WDR62: variants seen among roughly 807,000 people sequenced by gnomAD.
WDR62 encodes WD repeat domain 62.
Under a neutral mutation model 160.6 loss-of-function variants are expected in WDR62, and 112 were observed. The ratio of observed to expected loss-of-function variants is 0.70; its 90% CI spans 0.60 to 0.82. The LOEUF is 0.82. Among genes scored for constraint, WDR62 ranks in the 40% least tolerant of loss-of-function variants. The pLI is 0.00. For missense variants in WDR62, 1,819 were observed against 1,983.8 expected (o/e 0.92, Z 1.58); for synonymous variants, 792 against 815.1 (o/e 0.97, Z 0.48).
chr19:36,089,415 G>C, intron 15 of WDR62, 109 bp downstream of exon 15: 1 of 1,559,580 alleles, frequency 6.4e-7, no homozygotes, highest in Non-Finnish European at 8.8e-7. Context: ...GGAATTGAGG[G>C]ACCCAGCAGG....
At chr19:36,096,827 T>G (rs948133750) in intron 20 of WDR62, among the ~76,000 whole-genome samples, 200 bp from the exon 21 acceptor site, 38 of 152,222 alleles carry the variant, frequency 2.5e-4, no homozygotes, top group African/African-American at 9.2e-4. Context: ...TTTGGTAGTA[T>G]TAAGCTTTTT....
At position 36,103,886 on chromosome 19, in the gene WDR62, C is replaced by T. The variant is rs753208163; in HGVS notation, c.4058C>T (p.Ser1353Phe). Residue 1353 changes from serine to phenylalanine, a missense_variant, in exon 30 of 32, where the codon TCC becomes TTC. Ser to Phe is a radical substitution (Grantham distance 155, BLOSUM62 -2). This residue lies in a region of WDR62 where 770 missense variants were observed against 734.2 expected (regional missense o/e 1.05). Transcript: ENST00000401500. ...CGCCCAAGTCTCCCAGCTCCTGAGTCCCCTGGCCTTCCTGCCCACCCCAGT... is the reference window on the plus strand; with the variant it reads ...CGCCCAAGTCTCCCAGCTCCTGAGTTCCCTGGCCTTCCTGCCCACCCCAGT... ...AFRPSLPAPE[S>F]PGLPAHPSNP... The T allele has an allele frequency of 5.6e-6, 9 of 1,600,464 alleles. No individual in the cohort carries two copies. The Admixed American group carries it at 1.5e-4, about 27-fold the overall frequency.
At chr19:36,056,157 C>T (rs1970356523) in intron 1 of WDR62, among the ~76,000 whole-genome samples, 1 of 152,122 alleles carries the variant, frequency 6.6e-6, no homozygotes, top group Non-Finnish European at 1.5e-5. Flanking sequence ...CAGAGTGAGA[C>T]TCTGTCTCAA....
In WDR62 at chr19:36,103,163, C is replaced by A. The variant is rs1235964917; in HGVS notation, c.3470C>A (p.Ala1157Asp). ...TCAGAGCTGTGCCTGCAGGTCCTCG[C>A]TGCAGGGAAGGCTGAAGAGACCCTG... ...YASPDRTHVLAAGKAEETLEA... is the reference protein window; with the variant it reads ...YASPDRTHVLDAGKAEETLEA... The change falls in exon 29 of 32, where the codon GCT becomes GAT. Residue 1157 changes from alanine to aspartate, a missense_variant. This residue lies in a region of WDR62 where 770 missense variants were observed against 734.2 expected (regional missense o/e 1.05). Transcript: ENST00000401500. The A allele has an allele frequency of 6.2e-7, 1 of 1,614,056 alleles. No homozygotes were observed. Among genetic ancestry groups the A allele is most frequent in the African/African-American group, 1.3e-5 (1 of 75,050 alleles).
At chr19:36,100,907 T>C in intron 23 of WDR62, 32 bp downstream of exon 23, 1 of 1,613,804 alleles carries the variant, frequency 6.2e-7, no homozygotes, top group Non-Finnish European at 8.5e-7. Flanking sequence ...GGAGCCTTAG[T>C]TGGAGGAACC....
chr19:36,097,113 G>A (rs199899192), intron 21 of WDR62, 34 bp downstream of exon 21: 82 of 1,611,218 alleles, frequency 5.1e-5, no homozygotes, highest in Non-Finnish European at 8.5e-6. Flanking sequence ...CTCAGGGGCT[G>A]GCAGAGGAAA....
chr19:36,061,821 G>A (rs2145545101), intron 3 of WDR62: 1 of 152,338 alleles, frequency 6.6e-6, no homozygotes, highest in South Asian at 2.1e-4. Context: ...GTTGATCTGG[G>A]ATGAAACTTG....
At chr19:36,110,220 C>T in the WDR62 span, among the ~76,000 whole-genome samples, 4 of 152,060 alleles carry the variant, frequency 2.6e-5, no homozygotes, top group Non-Finnish European at 4.4e-5. Context: ...CCTGTAATCC[C>T]AGCACTTTGG....
At chr19:36,056,653 C>T (rs1472864288) in intron 1 of WDR62, among the ~76,000 whole-genome samples, 1 of 152,160 alleles carries the variant, frequency 6.6e-6, no homozygotes, top group African/African-American at 2.4e-5. Context: ...GCCCTTTGAG[C>T]TATTAAACTA....
chr19:36,063,546 C>CTCAGA (rs1970780306), intron 3 of WDR62, among the ~76,000 whole-genome samples: 1 of 152,016 alleles, frequency 6.6e-6, no homozygotes, highest in African/African-American at 2.4e-5. Context: ...CCACTGCACC[C>CTCAGA]GGCCAATCTT....
At chr19:36,104,464 G>A (rs1040870872) in intron 30 of WDR62, 54 bp from the exon 31 acceptor site, 55 of 1,603,984 alleles carry the variant, frequency 3.4e-5, no homozygotes, top group African/African-American at 1.3e-4. Context: ...CGCTCTGGCC[G>A]CTCACACCAA....
intron 3 of WDR62, chr19:36,061,519 CT>C (rs1970644675): frequency 6.6e-6 from 1 of 152,236 alleles, no homozygotes; most frequent in Non-Finnish European, 1.5e-5. Context: ...TCTCTGGCCT[CT>C]GGGGCCCAAA....
chr19:36,064,153 T>G (rs554900569), intron 3 of WDR62, among the ~76,000 whole-genome samples: 1 of 152,222 alleles, frequency 6.6e-6, no homozygotes, highest in East Asian at 1.9e-4. Context: ...AGGTTAGAGG[T>G]GGCTACGGGC....
At chr19:36,079,974 GTATTT>G (rs1971795293) in intron 9 of WDR62, among the ~76,000 whole-genome samples, 1 of 152,024 alleles carries the variant, frequency 6.6e-6, no homozygotes, top group African/African-American at 2.4e-5. Flanking sequence ...TCAATCTTCC[GTATTT>G]TGAAATCTCT....
At chr19:36,086,608 G>A (rs58358317) in intron 12 of WDR62, 79 bp from the exon 13 acceptor site, 19,179 of 1,528,580 alleles carry the variant, frequency 0.013, 1,108 homozygotes, top group South Asian at 0.12. Flanking sequence ...GGACTGGGCA[G>A]CTTGGTCACA....
intron 21 of WDR62, 54 bp from the exon 22 acceptor site, chr19:36,099,345 C>G: frequency 1.3e-6 from 2 of 1,507,834 alleles, no homozygotes; most frequent in Non-Finnish European, 1.8e-6. Flanking sequence ...CCGTGTCGCT[C>G]CCTGCAGTGA....
rs1973517064 is a variant in WDR62, at chr19:36,103,452, T to C, written c.3624T>C (p.Gly1208=). The change falls in exon 30 of 32, where the codon GGT becomes GGC. Residue 1208 remains glycine (G), a synonymous_variant. Transcript: ENST00000401500. ...TSAPTPGLAQ[G]VHAPSTCSYM... ...CACCCACCCCAGGCCTGGCTCAGGG[T>C]GTCCATGCCCCCTCCACCTGTTCCT... 1.9e-6 allele frequency: 3 copies of C among 1,613,648 alleles called. No homozygotes were observed. The South Asian group carries it at 3.3e-5, about 18-fold the overall frequency.
Position 36,104,594 on chromosome 19 carries a change from T to TC in WDR62, c.4234dup (p.Leu1412ProfsTer2), listed in dbSNP as rs1599851667. ...TGCCGGTTGAAGCCCTGCCCCCATCTCCCCTTGAGCTGAGCAGGGTGGGGA... is the reference window on the plus strand; with the variant it reads ...TGCCGGTTGAAGCCCTGCCCCCATCTCCCCCTTGAGCTGAGCAGGGTGGGGA... On this transcript the variant is annotated frameshift_variant, in exon 31 of 32. Transcript: ENST00000401500. LOFTEE classifies it high-confidence loss of function. 1 of 1,613,278 alleles carries TC rather than the reference T, an allele frequency of 6.2e-7. No individual in the cohort carries two copies. Among genetic ancestry groups the TC allele is most frequent in the African/African-American group, 1.3e-5 (1 of 74,642 alleles).
intron 13 of WDR62, 79 bp downstream of exon 13, chr19:36,086,891 A>G: frequency 2.0e-6 from 3 of 1,533,668 alleles, no homozygotes; most frequent in Non-Finnish European, 2.7e-6. Context: ...ACTCTCCTGT[A>G]AAATATATAT....
Sources: allele counts gnomAD v4.1 joint callset (sites outside exome capture counted in the v4.1 genomes callset), GRCh38; gene constraint gnomAD v4.1.1; regional missense constraint gnomAD v4.1.1; transcripts MANE v1.5; gene names NCBI Gene and HGNC (gene_info 2026-07-23, HGNC 2026-07-21).